The following CENPF variants were observed in gnomAD, a reference collection of about 807,000 sequenced individuals.
CENPF encodes centromere protein F.
CENPF carries 214 observed loss-of-function variants against 307.3 expected under a neutral mutation model. That is an observed-to-expected ratio of 0.70 (90% CI 0.62 to 0.78). CENPF has a LOEUF of 0.78. CENPF is among the 30% of genes least tolerant of loss of function. The pLI is 0.00. For missense variants in CENPF, 3,401 were observed against 3,483.9 expected, an observed-to-expected ratio of 0.98 and a Z score of 0.60; for synonymous variants, 1,259 against 1,270.6, an observed-to-expected ratio of 0.99 and a Z score of 0.19.
Position 214,641,266 on chromosome 1 carries a change from T to G in CENPF, c.2928T>G (p.Asn976Lys). 6.2e-7 allele frequency: 1 copy of G among 1,602,366 alleles called. No homozygotes were observed. Among genetic ancestry groups the G allele is most frequent in the Non-Finnish European group, 8.5e-7 (1 of 1,177,082 alleles). Reference sequence around the variant, plus strand: ...AAATTGAAGAGCTGACCCAAGAGAATGGGACTCTTAAGGAAATTAATGCAT... The same window carrying G: ...AAATTGAAGAGCTGACCCAAGAGAAGGGGACTCTTAAGGAAATTAATGCAT... Reference protein sequence around the residue: ...KREIEELTQENGTLKEINASL... With the variant: ...KREIEELTQEKGTLKEINASL... The change falls in exon 12 of 20, where the codon AAT becomes AAG. Residue 976 changes from asparagine (N) to lysine (K), a missense_variant. Asn to Lys is a moderately conservative substitution (Grantham distance 94, BLOSUM62 0). Coordinates refer to ENST00000366955, the MANE Select transcript of CENPF (RefSeq NM_016343.4).
chr1:214,662,645 C>T (rs901856881), intron 19 of CENPF, among the ~76,000 whole-genome samples: 1 of 152,178 alleles, frequency 6.6e-6, no homozygotes, highest in African/African-American at 2.4e-5. Context: ...AGGCCCTTCT[C>T]CTTTCTCTTT....
chr1:214,639,955 T>A lies in CENPF; in HGVS notation c.1617T>A (p.Asp539Glu). 6.4e-7 allele frequency: 1 copy of A among 1,559,044 alleles called. No homozygotes were observed. Among genetic ancestry groups the A allele is most frequent in the Non-Finnish European group, 8.6e-7 (1 of 1,162,708 alleles). ...KNTSQETMLRDLQEKINQQEN... is the reference protein window; with the variant it reads ...KNTSQETMLRELQEKINQQEN... ...CCTCTCAGGAAACCATGTTAAGAGA[T>A]CTTCAAGAAAAAATAAATCAGCAAG... The change falls in exon 12 of 20, where the codon GAT (aspartate) becomes GAA (glutamate). Residue 539 changes from aspartate (D) to glutamate (E), a missense_variant. Asp to Glu is a conservative substitution (Grantham distance 45). Coordinates refer to ENST00000366955, the MANE Select transcript of CENPF (RefSeq NM_016343.4).
At chr1:214,605,613 C>T (rs1657001880) in intron 1 of CENPF, 8 of 1,395,148 alleles carry the variant, frequency 5.7e-6, no homozygotes, top group African/African-American at 2.8e-5. Flanking sequence ...CCCTGGGGGG[C>T]CGGCGCGGGG....
chr1:214,608,625 C>T (rs1445109018), intron 1 of CENPF: 1 of 1,605,986 alleles, frequency 6.2e-7, no homozygotes, highest in Non-Finnish European at 8.5e-7. Flanking sequence ...AGTCGGCGCG[C>T]TCCGTCAGGT....
intron 14 of CENPF, among the ~76,000 whole-genome samples, chr1:214,649,984 A>G (rs1434354834): frequency 6.6e-6 from 1 of 152,240 alleles, no homozygotes; most frequent in Non-Finnish European, 1.5e-5. Flanking sequence ...TACAGTCTAG[A>G]CACATAATAA....
chr1:214,615,026 A>C lies in CENPF; in HGVS notation c.357A>C (p.Lys119Asn). The C allele has an allele frequency of 1.9e-6, 3 of 1,594,120 alleles. No homozygotes were observed. Among genetic ancestry groups the C allele is most frequent in the Non-Finnish European group, 2.6e-6 (3 of 1,171,178 alleles). The change falls in exon 3 of 20, where the codon AAA (lysine) becomes AAC (asparagine). Residue 119 changes from lysine (K) to asparagine (N), a missense_variant and splice_region_variant. Physicochemically the swap from Lys to Asn is moderately conservative, Grantham distance 94 (BLOSUM62 0). Transcript: ENST00000366955. ...TAGAAAAACTGGAACAGGAACTTAA[A>C]AGGTAATATTTTGGGATGGTATTTA... ...KQIEKLEQELKRCKSELERSQ... is the reference protein window; with the variant it reads ...KQIEKLEQELNRCKSELERSQ...
intron 19 of CENPF, among the ~76,000 whole-genome samples, chr1:214,662,818 C>A (rs749723998): frequency 1.1e-4 from 17 of 151,538 alleles, no homozygotes; most frequent in Non-Finnish European, 1.9e-4. Context: ...CTTGCTCTGT[C>A]CCCCAGGCTG....
At chr1:214,632,180 T>C (rs1657826539) in intron 9 of CENPF, among the ~76,000 whole-genome samples, 1 of 152,204 alleles carries the variant, frequency 6.6e-6, no homozygotes. Flanking sequence ...CTCAACTTAT[T>C]TTCCTTTTGG....
rs1308584402 is a variant in CENPF at position 214,656,971 on chromosome 1, G to A, written c.8524G>A (p.Glu2842Lys). 6.2e-7 allele frequency: 1 copy of A among 1,612,282 alleles called. No individual in the cohort carries two copies. Among genetic ancestry groups the A allele is most frequent in the Non-Finnish European group, 8.5e-7 (1 of 1,179,576 alleles). ...TACCAAGGTCGATGAATTAACAACTGAGATCAAAGAACTGAAAGAAACTCT... is the reference window on the plus strand; with the variant it reads ...TACCAAGGTCGATGAATTAACAACTAAGATCAAAGAACTGAAAGAAACTCT... ...MDTKVDELTTEIKELKETLEE... is the reference protein window; with the variant it reads ...MDTKVDELTTKIKELKETLEE... The change falls in exon 18 of 20, where the codon GAG (glutamate) becomes AAG (lysine). Residue 2842 changes from glutamate to lysine, a missense_variant. Physicochemically the swap from Glu to Lys is moderately conservative, Grantham distance 56. Coordinates refer to ENST00000366955, the MANE Select transcript of CENPF (RefSeq NM_016343.4).
chr1:214,640,067 A>C lies in CENPF; in HGVS notation c.1729A>C (p.Arg577=), dbSNP rs1273107304. The part of the protein sequence containing the change: ...RDCSQDLLKK[R]EHHIEQLNDK... ...TTGTTCTCAAGACCTTTTGAAGAAA[A>C]GAGAACATCACATTGAACAACTTAA... The change falls in exon 12 of 20, where the codon AGA becomes CGA. Residue 577 remains arginine (R), a synonymous_variant. Coordinates refer to ENST00000366955, the MANE Select transcript of CENPF (RefSeq NM_016343.4). The C allele has an allele frequency of 1.9e-6, 3 of 1,601,650 alleles. No homozygotes were observed. The highest frequency in any genetic ancestry group is 2.5e-6 in the Non-Finnish European group (3 of 1,177,190).
chr1:214,655,506 T>G (rs1022326863), intron 17 of CENPF, 103 bp downstream of exon 17: 3 of 959,680 alleles, frequency 3.1e-6, no homozygotes, highest in Non-Finnish European at 4.3e-6. Flanking sequence ...CTGTGTTCTA[T>G]TACTGAGTGC....
rs553185910 is a variant in CENPF, at chr1:214,628,357, A to C, written c.1069-689A>C. ...TGCCAGTAGAGGGCGCCACGGGTTC[A>C]TTTCATTTACTCTGTGGTGCAAGGT... On this transcript the variant is annotated intron_variant, in intron 7 of 19. Coordinates refer to ENST00000366955, the MANE Select transcript of CENPF (RefSeq NM_016343.4). Among the ~76,000 whole-genome samples the C allele has an allele frequency of 2.0e-5, 3 of 150,436 alleles. No individual in the cohort carries two copies. In the South Asian group the frequency reaches 6.3e-4, roughly 31 times the overall value.
Position 214,645,789 on chromosome 1 carries a change from A to G in CENPF, c.6219A>G (p.Glu2073=). The change falls in exon 13 of 20, where the codon GAA becomes GAG. Residue 2073 remains glutamate, a synonymous_variant. Transcript: ENST00000366955. The stretch of plus-strand genomic sequence containing the variant: ...AAGAATTGCTTGTCAAGGAATCTGA[A>G]AGCCTGCAGGCCAGACTGAGTGAAT... The part of the protein sequence containing the change: ...KEKELLVKES[E]SLQARLSESD... 2 of 1,614,210 alleles carry G rather than the reference A, an allele frequency of 1.2e-6. No homozygotes were observed. Among genetic ancestry groups the G allele is most frequent in the Non-Finnish European group, 1.7e-6 (2 of 1,180,032 alleles).
chr1:214,644,509 T>C, intron 12 of CENPF, 48 bp from the exon 13 acceptor site: 1 of 1,499,746 alleles, frequency 6.7e-7, no homozygotes, highest in Non-Finnish European at 8.9e-7. Flanking sequence ...TCTATTTTGA[T>C]TCTTTTTGAA....
chr1:214,606,468 G>A (rs9701964), intron 1 of CENPF, among the ~76,000 whole-genome samples: 1 of 152,162 alleles, frequency 6.6e-6, no homozygotes, highest in East Asian at 1.9e-4. Flanking sequence ...CTTCCTGCCC[G>A]GGTTAGAAAG....
chr1:214,642,995 G>GAGTCCCTCTGTGAGGTGTACCGGC lies in CENPF; in HGVS notation c.4666_4689dup (p.Cys1556_Leu1563dup). The GAGTCCCTCTGTGAGGTGTACCGGC allele has an allele frequency of 6.2e-7, 1 of 1,610,472 alleles. No homozygotes were observed. The highest frequency in any genetic ancestry group is 8.5e-7 in the Non-Finnish European group (1 of 1,178,958). On this transcript the variant is annotated inframe_insertion, in exon 12 of 20. Coordinates refer to ENST00000366955, the MANE Select transcript of CENPF (RefSeq NM_016343.4). ...CCCAGCGAAGGGTGTTGAAGAGCTTGAGTCCCTCTGTGAGGTGTACCGGCA... is the reference window on the plus strand; with the variant it reads ...CCCAGCGAAGGGTGTTGAAGAGCTTGAGTCCCTCTGTGAGGTGTACCGGCAGTCCCTCTGTGAGGTGTACCGGCA...
At chr1:214,604,484 G>A (rs1260544149) in intron 1 of CENPF, among the ~76,000 whole-genome samples, 3 of 152,012 alleles carry the variant, frequency 2.0e-5, no homozygotes, top group Admixed American at 2.0e-4. Context: ...CAGTTAGCTT[G>A]GTCTACATCT....
At position 214,655,402 on chromosome 1, in the gene CENPF, A is replaced by T; in HGVS notation, c.8484A>T (p.Thr2828=). 1 of 1,585,036 alleles carries T rather than the reference A, an allele frequency of 6.3e-7. No individual in the cohort carries two copies. Among genetic ancestry groups the T allele is most frequent in the South Asian group, 1.2e-5 (1 of 84,540 alleles). The part of the protein sequence containing the change: ...QLQAAQEKQK[T]GTVMDTKVDE... ...AAGCTGCACAGGAGAAGCAGAAAAC[A>T]GGTGGGTGTTAACTGGGGCACATCA... The change falls in exon 17 of 20, where the codon ACA becomes ACT. Residue 2828 remains threonine, a splice_region_variant and synonymous_variant. Coordinates refer to ENST00000366955, the MANE Select transcript of CENPF (RefSeq NM_016343.4).
chr1:214,640,522 T>G lies in CENPF; in HGVS notation c.2184T>G (p.Leu728=). The change falls in exon 12 of 20, where the codon CTT becomes CTG. Residue 728 remains leucine (L), a synonymous_variant. Transcript: ENST00000366955. ...IENMCLKTSQ[L]TGQVEDLEHK... ...ATATGTGTTTGAAGACTTCTCAGCT[T>G]ACTGGGCAAGTTGAAGATCTAGAAC... 1.9e-6 allele frequency: 3 copies of G among 1,614,162 alleles called. No individual in the cohort carries two copies. The highest frequency in any genetic ancestry group is 2.5e-6 in the Non-Finnish European group (3 of 1,180,008).
Sources: allele counts gnomAD v4.1 joint callset (sites outside exome capture counted in the v4.1 genomes callset), GRCh38; gene constraint gnomAD v4.1.1; transcripts MANE v1.5; gene names NCBI Gene and HGNC (gene_info 2026-07-23, HGNC 2026-07-21).